Variants in ATAD2B observed in about 807,000 individuals in gnomAD.
The protein encoded by ATAD2B is ATPase family AAA domain-containing protein 2B.
In ATAD2B, 40 loss-of-function variants were observed where a neutral mutation model predicts 167.6. The ratio of observed to expected loss-of-function variants is 0.24; its 90% CI spans 0.19 to 0.31. The LOEUF is 0.31. Ranked by LOEUF, ATAD2B falls within the 10% of genes least tolerant of loss-of-function variation. The probability of loss-of-function intolerance (pLI) is 1.00; values close to 1 mark genes in which losing one functional copy is unlikely to be tolerated. For synonymous variants in ATAD2B, 579 were observed against 596.5 expected (o/e 0.97, Z 0.43); for missense variants, 1,242 against 1,757.2 (o/e 0.71, Z 5.24).
At chr2:23,776,639 A>G (rs1015960611) in intron 22 of ATAD2B, among the ~76,000 whole-genome samples, 1 of 152,110 alleles carries the variant, frequency 6.6e-6, no homozygotes, top group African/African-American at 2.4e-5. Context: ...TGCCCTTCCC[A>G]ATCTTGCTAA....
intron 13 of ATAD2B, chr2:23,856,006 G>C (rs1358708154): frequency 6.6e-6 from 1 of 152,112 alleles, no homozygotes; most frequent in Non-Finnish European, 1.5e-5. Context: ...GGCCAATATG[G>C]TGAAACCCAG....
At chr2:23,720,515 AAGATCTCTATAAGAGATTGCG>A in the ATAD2B span, among the ~76,000 whole-genome samples, 2 of 41,794 alleles carry the variant, frequency 4.8e-5, no homozygotes, top group Admixed American at 8.8e-4. Context: ...CAGAGGTTGC[AAGATCTCTATAAGAGATTGCG>A]CCACTGCACT....
At chr2:23,821,314 T>G (rs181828548) in intron 16 of ATAD2B, among the ~76,000 whole-genome samples, 2 of 152,374 alleles carry the variant, frequency 1.3e-5, no homozygotes, top group African/African-American at 4.8e-5. Flanking sequence ...ATGAGGTTTT[T>G]ATGATTTTCT....
the ATAD2B span, among the ~76,000 whole-genome samples, chr2:23,711,432 C>T: frequency 1.5e-5 from 2 of 132,480 alleles, no homozygotes; most frequent in Admixed American, 8.7e-5. Flanking sequence ...TGCAATGACA[C>T]GACCTGGGGT....
chr2:23,877,889 T>G (rs1049040293), intron 7 of ATAD2B, among the ~76,000 whole-genome samples: 2 of 148,246 alleles, frequency 1.3e-5, no homozygotes, highest in Admixed American at 6.7e-5. Context: ...GAACCCAACT[T>G]TACAAAAAAA....
intron 1 of ATAD2B, among the ~76,000 whole-genome samples, chr2:23,902,652 T>C (rs1322857456): frequency 2.0e-5 from 3 of 152,326 alleles, no homozygotes; most frequent in African/African-American, 7.2e-5. Context: ...TCACAGTGAT[T>C]ATAATCCATG....
intron 2 of ATAD2B, among the ~76,000 whole-genome samples, chr2:23,892,473 C>CTT (rs549985460): frequency 0.023 from 3,043 of 132,216 alleles, 116 homozygotes; most frequent in African/African-American, 0.08. Context: ...TTTTTCTTTT[C>CTT]TTTTTTTTTT....
chr2:23,815,549 A>C (rs1006196744), intron 17 of ATAD2B, among the ~76,000 whole-genome samples: 1 of 152,216 alleles, frequency 6.6e-6, no homozygotes, highest in Non-Finnish European at 1.5e-5. Context: ...GCTCAAGAGC[A>C]ATCTAGGCTT....
At chr2:23,693,176 G>A in the ATAD2B span, 7 of 1,422,246 alleles carry the variant, frequency 4.9e-6, no homozygotes, top group Non-Finnish European at 6.6e-6. Flanking sequence ...CCGGGATGTG[G>A]GTTCAGAGAA....
intron 18 of ATAD2B, among the ~76,000 whole-genome samples, chr2:23,804,596 G>T (rs1441359574): frequency 1.3e-5 from 2 of 150,788 alleles, no homozygotes; most frequent in Non-Finnish European, 2.9e-5. Flanking sequence ...GCCAAGAAGC[G>T]TACAAGAGAC....
At position 23,867,895 on chromosome 2, in the gene ATAD2B, T is replaced by C. The variant is rs767498969; in HGVS notation, c.1128A>G (p.Arg376=). Residue 376 remains arginine (R), a synonymous_variant, in exon 10 of 28, where the codon CGA becomes CGG. Coordinates refer to ENST00000238789, the MANE Select transcript of ATAD2B (RefSeq NM_017552.4). ...AGCTTGCACCCACTTTCACTCGTTC[T>C]CGGAGAATACCGCTAGCTAAGTCCT... The part of the protein sequence containing the change: ...RAEDLASGIL[R]ERVKVGASLA... 7.4e-6 allele frequency: 12 copies of C among 1,613,918 alleles called. No individual in the cohort carries two copies. The highest frequency in any genetic ancestry group is 6.6e-5 in the South Asian group (6 of 91,068).
chr2:23,798,342 C>T lies in ATAD2B; in HGVS notation c.2455-19G>A. ...GAAAAATCTAATTAAGGAAAAAAAC[C>T]AACATTAAACAACTCAAATTGATTA... On this transcript the variant is annotated intron_variant, in intron 18 of 27. Coordinates refer to ENST00000238789, the MANE Select transcript of ATAD2B (RefSeq NM_017552.4). 1 of 1,531,236 alleles carries T rather than the reference C, an allele frequency of 6.5e-7. No individual in the cohort carries two copies. Among genetic ancestry groups the T allele is most frequent in the East Asian group, 2.3e-5 (1 of 43,792 alleles). 94.9% of individuals were successfully genotyped at this position (1,531,236 alleles called of 1,614,324 possible). A position where few individuals can be genotyped will look rare whatever the true frequency, so the allele number is the denominator to read the frequency against.
chr2:23,907,790 G>C (rs892643147), intron 1 of ATAD2B, among the ~76,000 whole-genome samples: 1 of 152,244 alleles, frequency 6.6e-6, no homozygotes, highest in South Asian at 2.1e-4. Flanking sequence ...CCAAAACAGA[G>C]ATATAGAACA....
the ATAD2B span, chr2:23,695,563 C>G: frequency 5.8e-6 from 7 of 1,206,712 alleles, 1 homozygote; most frequent in South Asian, 1.0e-4. The surrounding 1 kb of genome is among the most constrained non-coding windows in gnomAD (Gnocchi z 7.6). Context: ...CATTTCTTTC[C>G]GTCCGGGAGG....
At chr2:23,870,285 C>CT (rs5829912) in intron 8 of ATAD2B, among the ~76,000 whole-genome samples, 56,016 of 105,276 alleles carry the variant, frequency 0.53, 16,185 homozygotes, top group East Asian at 0.79. Flanking sequence ...CAGTAACCAA[C>CT]TTTTTTTTTT....
In ATAD2B at chr2:23,926,911, G is replaced by C. The variant is rs1704965623; in HGVS notation, c.-141C>G. The C allele has an allele frequency of 5.8e-6, 6 of 1,027,478 alleles. No individual in the cohort carries two copies. Among genetic ancestry groups the C allele is most frequent in the Non-Finnish European group, 8.1e-6 (6 of 740,122 alleles). 63.6% of individuals were successfully genotyped at this position (1,027,478 alleles called of 1,614,324 possible). ...CCCGGAGCGTGCGGAGCGCAGACGA[G>C]CACAAGAGAGAGCCGGGCAGAGGAA... On this transcript the variant is annotated 5_prime_UTR_variant, in exon 1 of 28. Coordinates refer to ENST00000238789, the MANE Select transcript of ATAD2B (RefSeq NM_017552.4).
chr2:23,881,863 A>C (rs1275134745), intron 6 of ATAD2B, among the ~76,000 whole-genome samples: 1 of 151,924 alleles, frequency 6.6e-6, no homozygotes, highest in Non-Finnish European at 1.5e-5. Context: ...AGCTGGGACT[A>C]CAAGCATGTA....
At chr2:23,766,682 T>A (rs1677458730) in intron 22 of ATAD2B, among the ~76,000 whole-genome samples, 1 of 152,160 alleles carries the variant, frequency 6.6e-6, no homozygotes. Flanking sequence ...AAGGACTTTT[T>A]CAGACCACTA....
chr2:23,847,992 CAAAA>C (rs529339468), intron 13 of ATAD2B, among the ~76,000 whole-genome samples: 2 of 90,772 alleles, frequency 2.2e-5, no homozygotes, highest in Admixed American at 1.2e-4. Context: ...GACTTCATCC[CAAAA>C]AAAAAAAAAA....
Sources: gnomAD v4.1 joint callset for allele counts (sites outside exome capture counted in the v4.1 genomes callset) on GRCh38, gnomAD v4.1.1 for gene constraint, Gnocchi (gnomAD v3.1) non-coding constraint, MANE v1.5 for transcripts, NCBI Gene and HGNC (gene_info 2026-07-23, HGNC 2026-07-21) for gene names.